TMCC3: variants seen among roughly 807,000 people sequenced by gnomAD.
TMCC3 encodes transmembrane and coiled-coil domain protein 3.
Under a neutral mutation model 40.2 loss-of-function variants are expected in TMCC3, and 28 were observed. The ratio of observed to expected loss-of-function variants is 0.70; its 90% CI spans 0.52 to 0.95. The LOEUF (loss-of-function observed/expected upper bound fraction) is 0.95. Ranked by LOEUF, TMCC3 falls within the 40% of genes least tolerant of loss-of-function variation. The probability of loss-of-function intolerance (pLI) is 0.00; values close to 1 mark genes in which losing one functional copy is unlikely to be tolerated. For missense variants in TMCC3, 554 were observed against 615.2 expected (o/e 0.90, Z 1.05); for synonymous variants, 255 against 248.5 (o/e 1.03, Z -0.25).
chr12:94,633,529 G>A (rs2138878325), intron 1 of TMCC3, among the ~76,000 whole-genome samples: 1 of 152,288 alleles, frequency 6.6e-6, no homozygotes, highest in South Asian at 2.1e-4. Context: ...AATGATTACG[G>A]TTTTCTCCAG....
chr12:94,645,898 G>A (rs544307273), intron 1 of TMCC3, among the ~76,000 whole-genome samples: 1 of 152,252 alleles, frequency 6.6e-6, no homozygotes, highest in East Asian at 1.9e-4. Context: ...AGTAAAAGTG[G>A]TTAACATCTA....
chr12:94,638,130 C>T (rs569354053), intron 1 of TMCC3, among the ~76,000 whole-genome samples: 92 of 152,290 alleles, frequency 6.0e-4, no homozygotes, highest in African/African-American at 2.1e-3. Flanking sequence ...TGAAGCAAAA[C>T]ATTGACAAGA....
chr12:94,650,290 G>A, intron 1 of TMCC3, 63 bp downstream of exon 1: 1 of 1,083,886 alleles, frequency 9.2e-7, no homozygotes, highest in Non-Finnish European at 1.2e-6. Context: ...CTGAGCCGCC[G>A]CCCCAGCCCG....
In TMCC3 at chr12:94,650,395, C is replaced by A. The variant is rs1157846744; in HGVS notation, c.36G>T (p.Arg12=). The part of the protein sequence containing the change: ...PGSDTALTVD[R]TYSYPGRHHR... ...GGTGCCGGCCGGGGTACGAGTAGGTCCGGTCCACGGTGAGCGCCGTGTCGC... is the reference window on the plus strand; with the variant it reads ...GGTGCCGGCCGGGGTACGAGTAGGTACGGTCCACGGTGAGCGCCGTGTCGC... The change falls in exon 1 of 4, where the codon CGG becomes CGT. Residue 12 remains arginine (R), a synonymous_variant. Transcript: ENST00000261226. The A allele has an allele frequency of 1.5e-6, 2 of 1,343,174 alleles. No individual in the cohort carries two copies. The highest frequency in any genetic ancestry group is 9.6e-7 in the Non-Finnish European group (1 of 1,039,608). The allele number at this position is 1,343,174 out of a possible 1,614,324, so 83.2% of individuals were successfully genotyped here.
At chr12:94,583,956 G>GAT (rs1471306798) in intron 1 of TMCC3, among the ~76,000 whole-genome samples, 2 of 152,036 alleles carry the variant, frequency 1.3e-5, no homozygotes, top group African/African-American at 4.8e-5. Context: ...TTAATGACTT[G>GAT]ATATACAGTC....
intron 1 of TMCC3, among the ~76,000 whole-genome samples, chr12:94,614,730 T>C (rs2068838079): frequency 6.6e-6 from 1 of 151,984 alleles, no homozygotes; most frequent in Non-Finnish European, 1.5e-5. Context: ...CTGGCCTCTC[T>C]GACTTTTTTC....
intron 3 of TMCC3, among the ~76,000 whole-genome samples, chr12:94,573,287 C>G (rs1432037240): frequency 6.6e-6 from 1 of 152,174 alleles, no homozygotes; most frequent in Non-Finnish European, 1.5e-5. Flanking sequence ...GTTCTCTCTC[C>G]ACCCGGTCAG....
At chr12:94,595,605 G>A (rs1475344646) in intron 1 of TMCC3, among the ~76,000 whole-genome samples, 5 of 152,128 alleles carry the variant, frequency 3.3e-5, no homozygotes, top group Admixed American at 6.5e-5. Flanking sequence ...AACATGTACT[G>A]GATGATTTGC....
intron 1 of TMCC3, among the ~76,000 whole-genome samples, chr12:94,582,798 C>G (rs891238042): frequency 6.6e-6 from 1 of 151,978 alleles, no homozygotes; most frequent in African/African-American, 2.4e-5. Context: ...AGACTGTAAC[C>G]TGGCTCCCAG....
intron 2 of TMCC3, among the ~76,000 whole-genome samples, chr12:94,580,528 T>A (rs1475786720): frequency 6.6e-6 from 1 of 152,004 alleles, no homozygotes; most frequent in Non-Finnish European, 1.5e-5. Context: ...TGAGGTCAGG[T>A]GTTTGAGACC....
intron 1 of TMCC3, among the ~76,000 whole-genome samples, chr12:94,645,286 A>G (rs1180280502): frequency 6.6e-6 from 1 of 152,236 alleles, no homozygotes; most frequent in African/African-American, 2.4e-5. Flanking sequence ...GAGGCACAAA[A>G]TGCTAGCAAT....
At chr12:94,600,285 T>G (rs1345826552) in intron 1 of TMCC3, among the ~76,000 whole-genome samples, 5 of 148,086 alleles carry the variant, frequency 3.4e-5, no homozygotes, top group African/African-American at 1.3e-4. Context: ...CTCTCCAGAT[T>G]GACCCTTCCT....
At chr12:94,639,365 T>C (rs2068976786) in intron 1 of TMCC3, among the ~76,000 whole-genome samples, 1 of 152,160 alleles carries the variant, frequency 6.6e-6, no homozygotes, top group African/African-American at 2.4e-5. Flanking sequence ...GTGGATCACT[T>C]GAGGCCAGGA....
Position 94,650,389 on chromosome 12 carries a change from GT to G in TMCC3, c.41del (p.Tyr14SerfsTer14). ...AGCGGTGGTGCCGGCCGGGGTACGA[GT>G]AGGTCCGGTCCACGGTGAGCGCCGT... ...SDTALTVDRTYSYPGRHHRCK... is the reference protein window; with the variant it reads ...SDTALTVDRTXSYPGRHHRCK... On this transcript the variant is annotated frameshift_variant, in exon 1 of 4. Coordinates refer to ENST00000261226, the MANE Select transcript of TMCC3 (RefSeq NM_020698.4). LOFTEE classifies it high-confidence loss of function. 1 of 1,344,558 alleles carries G rather than the reference GT, an allele frequency of 7.4e-7. No individual in the cohort carries two copies. The highest frequency in any genetic ancestry group is 9.6e-7 in the Non-Finnish European group (1 of 1,040,966). 83.3% of individuals were successfully genotyped at this position (1,344,558 alleles called of 1,614,324 possible). A position where few individuals can be genotyped will look rare whatever the true frequency, so the allele number is the denominator to read the frequency against.
At chr12:94,588,710 T>C (rs1313740737) in intron 1 of TMCC3, among the ~76,000 whole-genome samples, 1 of 152,192 alleles carries the variant, frequency 6.6e-6, no homozygotes, top group Non-Finnish European at 1.5e-5. Flanking sequence ...TTAATCACTT[T>C]AGCTGAACTC....
In TMCC3 at chr12:94,631,237, G is replaced by A. The variant is rs545662588; in HGVS notation, c.78+19116C>T. Among the ~76,000 whole-genome samples, 5 of 152,162 alleles carry A rather than the reference G, an allele frequency of 3.3e-5. No homozygotes were observed. In the South Asian group the frequency reaches 6.2e-4, roughly 19 times the overall value. On this transcript the variant is annotated intron_variant, in intron 1 of 3. Transcript: ENST00000261226. ...GGAACCTCTCCCTAGAAATATGCAC[G>A]TATGCACACACACACATCAAATCCA... is the stretch of plus-strand genomic sequence containing the variant.
chr12:94,615,673 T>G (rs2068843774), intron 1 of TMCC3, among the ~76,000 whole-genome samples: 1 of 152,198 alleles, frequency 6.6e-6, no homozygotes, highest in Admixed American at 6.5e-5. Flanking sequence ...TCACTCACAC[T>G]GGACTGACAT....
intron 1 of TMCC3, among the ~76,000 whole-genome samples, chr12:94,613,103 T>TAC (rs61688830): frequency 0.21 from 31,808 of 148,950 alleles, 3,514 homozygotes; most frequent in Non-Finnish European, 0.26. Flanking sequence ...ATAAAATGGA[T>TAC]ACACACACAC....
chr12:94,650,115 G>A (rs1486212575), intron 1 of TMCC3, among the ~76,000 whole-genome samples: 3 of 152,136 alleles, frequency 2.0e-5, no homozygotes, highest in Admixed American at 1.3e-4. Flanking sequence ...ATAGCGCGCG[G>A]GGACCTGGGC....
Sources: allele counts gnomAD v4.1 joint callset (sites outside exome capture counted in the v4.1 genomes callset), GRCh38; gene constraint gnomAD v4.1.1; transcripts MANE v1.5; gene names NCBI Gene and HGNC (gene_info 2026-07-23, HGNC 2026-07-21).